DCBLD2: variants seen among roughly 807,000 people sequenced by gnomAD.
The protein encoded by DCBLD2 is discoidin, CUB and LCCL domain containing 2.
Under a neutral mutation model 86.8 loss-of-function variants are expected in DCBLD2, and 54 were observed. That is an observed-to-expected ratio of 0.62 (90% confidence interval 0.50 to 0.78). The LOEUF is 0.78. Among genes scored for constraint, DCBLD2 ranks in the 30% least tolerant of loss-of-function variants. The pLI, the probability that DCBLD2 is intolerant of heterozygous loss-of-function variation, is 0.00. For synonymous variants in DCBLD2, 354 were observed against 341.3 expected, an observed-to-expected ratio of 1.04 and a Z score of -0.41; for missense variants, 908 against 954.2, an observed-to-expected ratio of 0.95 and a Z score of 0.64.
intron 3 of DCBLD2, among the ~76,000 whole-genome samples, chr3:98,837,850 C>T (rs1942502122): frequency 6.9e-6 from 1 of 145,538 alleles, no homozygotes; most frequent in African/African-American, 2.6e-5. Flanking sequence ...CCGGACGGGG[C>T]GGCTGGCCAT....
At chr3:98,885,337 T>C (rs992121733) in intron 1 of DCBLD2, among the ~76,000 whole-genome samples, 1 of 152,142 alleles carries the variant, frequency 6.6e-6, no homozygotes, top group South Asian at 2.1e-4. Flanking sequence ...ACTGGATAAA[T>C]AGCTTAACTA....
chr3:98,869,155 G>A (rs1410449846), intron 2 of DCBLD2, among the ~76,000 whole-genome samples: 3 of 152,142 alleles, frequency 2.0e-5, no homozygotes, highest in Non-Finnish European at 4.4e-5. Flanking sequence ...TCTGACTAGG[G>A]CAAAGTGGTA....
intron 6 of DCBLD2, chr3:98,821,071 C>T (rs747683224): frequency 6.6e-5 from 10 of 150,996 alleles, no homozygotes; most frequent in South Asian, 4.2e-4. Context: ...TTGTATGGGC[C>T]GTGAGTTAAG....
intron 8 of DCBLD2, among the ~76,000 whole-genome samples, chr3:98,818,639 T>G (rs1339050544): frequency 6.6e-6 from 1 of 152,114 alleles, no homozygotes; most frequent in African/African-American, 2.4e-5. Flanking sequence ...TCAATCTGGG[T>G]CGGCACCATT....
chr3:98,802,688 C>A (rs904895607), intron 13 of DCBLD2, among the ~76,000 whole-genome samples: 1 of 152,176 alleles, frequency 6.6e-6, no homozygotes, highest in Non-Finnish European at 1.5e-5. Flanking sequence ...TTAGGTCTAA[C>A]ATTTAAGTCT....
intron 3 of DCBLD2, among the ~76,000 whole-genome samples, chr3:98,848,976 C>G (rs753606864): frequency 1.3e-5 from 2 of 152,092 alleles, no homozygotes; most frequent in African/African-American, 2.4e-5. Flanking sequence ...TCGAGACCAG[C>G]CTGGCCAACA....
intron 1 of DCBLD2, among the ~76,000 whole-genome samples, chr3:98,885,263 A>G (rs571421808): frequency 6.6e-6 from 1 of 152,258 alleles, no homozygotes; most frequent in East Asian, 1.9e-4. Flanking sequence ...CAGGTCTCCA[A>G]TCTACAGCAA....
intron 1 of DCBLD2, among the ~76,000 whole-genome samples, chr3:98,898,530 A>C (rs1353610026): frequency 6.6e-6 from 1 of 152,032 alleles, no homozygotes; most frequent in Admixed American, 6.6e-5. Flanking sequence ...ATGTCCCACA[A>C]TTTTACCACC....
chr3:98,820,441 A>T (rs1317566664), intron 6 of DCBLD2, among the ~76,000 whole-genome samples, 153 bp from the exon 7 acceptor site: 1 of 152,204 alleles, frequency 6.6e-6, no homozygotes, highest in African/African-American at 2.4e-5. Context: ...TATTGTTCCT[A>T]GGAAAAAAGT....
intron 1 of DCBLD2, among the ~76,000 whole-genome samples, chr3:98,899,320 G>A (rs1189791704): frequency 2.1e-5 from 3 of 146,318 alleles, no homozygotes; most frequent in East Asian, 4.1e-4. Context: ...GTGCAGTGGC[G>A]CGATCGCTGC....
intron 9 of DCBLD2, chr3:98,814,204 A>G (rs1443987998): frequency 6.6e-6 from 1 of 152,204 alleles, no homozygotes; most frequent in South Asian, 2.1e-4. Flanking sequence ...CATTTCCTAA[A>G]AAGTTTGTTT....
chr3:98,881,566 C>G lies in DCBLD2; in HGVS notation c.407G>C (p.Gly136Ala), dbSNP rs1267477372. 6.2e-7 allele frequency: 1 copy of G among 1,613,882 alleles called. No individual in the cohort carries two copies. The highest frequency in any genetic ancestry group is 8.5e-7 in the Non-Finnish European group (1 of 1,179,870). ...TATTTCAGTTCTGCTGACTCCAATT[C>G]CATTATAAATTCTCAAGTAATTAAA... The part of the protein sequence containing the change: ...CHFNYLRIYN[G>A]IGVSRTEIGK... The change falls in exon 2 of 16, where the codon GGA becomes GCA. Residue 136 changes from glycine (G) to alanine (A), a missense_variant. Physicochemically the swap from Gly to Ala is moderately conservative, Grantham distance 60. Transcript: ENST00000326840.
intron 12 of DCBLD2, 142 bp downstream of exon 12, chr3:98,811,052 A>G: frequency 1.0e-6 from 1 of 955,014 alleles, no homozygotes; most frequent in Non-Finnish European, 1.5e-6. Flanking sequence ...TTTCCTATGA[A>G]AGAAAATAAA....
Position 98,799,637 on chromosome 3 carries a change from T to TGC in DCBLD2, c.2061_2062dup (p.His688ArgfsTer25). 6.2e-7 allele frequency: 1 copy of TGC among 1,613,952 alleles called. No homozygotes were observed. Among genetic ancestry groups the TGC allele is most frequent in the Non-Finnish European group, 8.5e-7 (1 of 1,179,872 alleles). On this transcript the variant is annotated frameshift_variant, in exon 16 of 16. Transcript: ENST00000326840. LOFTEE classifies it high-confidence loss of function. ...GGGCTGACCAACTGAAGTTGTGGGG[T>TGC]GCCCTGACATGTCCATGATGATTGG...
At chr3:98,885,769 A>G (rs1344181608) in intron 1 of DCBLD2, among the ~76,000 whole-genome samples, 2 of 151,988 alleles carry the variant, frequency 1.3e-5, no homozygotes, top group Non-Finnish European at 2.9e-5. Context: ...CACTTAGAGC[A>G]GTGATTCTCA....
Position 98,901,170 on chromosome 3 carries a change from G to C in DCBLD2, c.157C>G (p.Leu53Val), listed in dbSNP as rs980722986. ...SSFSMPLFLL[L>V]LLVLLLLLED... ...AGCAGCAGGAGCAGGACAAGTAAGAGCAGGAGGAACAGAGGCATGGAGAAG... is the reference window on the plus strand; with the variant it reads ...AGCAGCAGGAGCAGGACAAGTAAGACCAGGAGGAACAGAGGCATGGAGAAG... The change falls in exon 1 of 16, where the codon CTC (leucine) becomes GTC (valine). Residue 53 changes from leucine (L) to valine (V), a missense_variant. Transcript: ENST00000326840. 1.3e-6 allele frequency: 2 copies of C among 1,538,206 alleles called. No homozygotes were observed. Among genetic ancestry groups the C allele is most frequent in the Non-Finnish European group, 1.7e-6 (2 of 1,146,814 alleles).
chr3:98,845,631 C>T (rs1942707069), intron 3 of DCBLD2, among the ~76,000 whole-genome samples: 1 of 152,208 alleles, frequency 6.6e-6, no homozygotes, highest in Non-Finnish European at 1.5e-5. Flanking sequence ...AGTCACACCA[C>T]TTCTCTGTTC....
At chr3:98,829,909 T>G (rs1204076026) in intron 3 of DCBLD2, among the ~76,000 whole-genome samples, 1 of 152,170 alleles carries the variant, frequency 6.6e-6, no homozygotes, top group Non-Finnish European at 1.5e-5. Context: ...AGCATGTTAT[T>G]TTTTTACTTT....
intron 2 of DCBLD2, among the ~76,000 whole-genome samples, chr3:98,863,320 A>AT (rs1351120774): frequency 1.3e-5 from 2 of 152,196 alleles, no homozygotes; most frequent in East Asian, 1.9e-4. Flanking sequence ...TGCCATCCCC[A>AT]TCAAGCTACC....
Sources: gnomAD v4.1 joint callset for allele counts (sites outside exome capture counted in the v4.1 genomes callset) on GRCh38, gnomAD v4.1.1 for gene constraint, MANE v1.5 for transcripts, NCBI Gene and HGNC (gene_info 2026-07-23, HGNC 2026-07-21) for gene names.